ING5: variants seen among roughly 807,000 people sequenced by gnomAD.
ING5 encodes inhibitor of growth family member 5.
In ING5, 17 loss-of-function variants were observed where a neutral mutation model predicts 37.4. The observed-to-expected ratio is 0.45, with a 90% CI of 0.31 to 0.68. The LOEUF (loss-of-function observed/expected upper bound fraction) is 0.68, where lower values mean the gene tolerates loss of function less well. Among genes scored for constraint, ING5 ranks in the 30% least tolerant of loss-of-function variants. The probability of loss-of-function intolerance (pLI) is 0.05; values close to 1 mark genes in which losing one functional copy is unlikely to be tolerated. For missense variants in ING5, 233 were observed against 311.9 expected (o/e 0.75, Z 1.91); for synonymous variants, 123 against 116.6 (o/e 1.06, Z -0.36).
chr2:241,724,228 G>A (rs916525539), intron 7 of ING5, among the ~76,000 whole-genome samples: 5 of 152,226 alleles, frequency 3.3e-5, no homozygotes, highest in African/African-American at 4.8e-5. Context: ...AAAGGATGCC[G>A]TGTCTCGGAG....
chr2:241,708,866 A>G (rs2070009329), intron 2 of ING5, among the ~76,000 whole-genome samples: 1 of 152,200 alleles, frequency 6.6e-6, no homozygotes, highest in Non-Finnish European at 1.5e-5. Flanking sequence ...CTCTACCGGA[A>G]AAAAAGAAAA....
chr2:241,705,831 C>A (rs933644790), intron 2 of ING5, among the ~76,000 whole-genome samples: 5 of 152,158 alleles, frequency 3.3e-5, no homozygotes, highest in African/African-American at 1.2e-4. Context: ...GCCCCCACAC[C>A]CTCACATGCC....
At chr2:241,687,637 C>T (rs1368657539) in exon 1 of ING5, 1 of 279,378 alleles carries the variant, frequency 3.6e-6, no homozygotes, top group African/African-American at 2.2e-5. Context: ...AAGCGATTCT[C>T]CTGCCTCAGC....
At chr2:241,709,510 C>T in intron 3 of ING5, 128 bp downstream of exon 3, 1 of 786,928 alleles carries the variant, frequency 1.3e-6, no homozygotes, top group Non-Finnish European at 2.0e-6. Flanking sequence ...GCTGACGCTG[C>T]TGGAGGAAGT....
At chr2:241,688,044 C>T (rs148618528) in exon 1 of ING5, 1 of 152,190 alleles carries the variant, frequency 6.6e-6, no homozygotes, top group Non-Finnish European at 1.5e-5. Context: ...GGATATCAGG[C>T]TGCCTGGACA....
intron 2 of ING5, chr2:241,708,981 A>T: frequency 2.6e-6 from 1 of 380,786 alleles, no homozygotes; most frequent in Non-Finnish European, 4.8e-6. Flanking sequence ...GCTGTGTAAC[A>T]TTCAGAGCTG....
At chr2:241,712,423 A>G (rs1559307207) in intron 5 of ING5, 2 of 216,324 alleles carry the variant, frequency 9.2e-6, no homozygotes, top group African/African-American at 4.6e-5. Context: ...GACAGAGGCC[A>G]ATGTAGACCA....
chr2:241,711,063 T>C (rs766446632), intron 3 of ING5, among the ~76,000 whole-genome samples: 1 of 152,208 alleles, frequency 6.6e-6, no homozygotes, highest in Non-Finnish European at 1.5e-5. Flanking sequence ...GGTAGCCATA[T>C]TTTAAAGTAG....
At chr2:241,717,254 A>G (rs1387352183) in intron 5 of ING5, among the ~76,000 whole-genome samples, 1 of 152,038 alleles carries the variant, frequency 6.6e-6, no homozygotes, top group African/African-American at 2.4e-5. Flanking sequence ...TATTTTTAGT[A>G]GAGATGGGGT....
At chr2:241,717,755 T>A (rs1462328275) in intron 5 of ING5, among the ~76,000 whole-genome samples, 1 of 152,048 alleles carries the variant, frequency 6.6e-6, no homozygotes, top group Non-Finnish European at 1.5e-5. Flanking sequence ...AGTTTGGTTA[T>A]GATGTGTATT....
In ING5 at chr2:241,710,490, GT is replaced by G. The variant is rs989078985; in HGVS notation, c.277-876del. 2.2e-3 allele frequency among the ~76,000 whole-genome samples: 320 copies of G among 143,378 alleles called. 3 individuals carry two copies. The highest frequency in any genetic ancestry group is 7.3e-3 in the South Asian group (33 of 4,504). The allele number at this position is 143,378 out of a possible 152,430, so 94.1% of individuals were successfully genotyped here. A position where few individuals can be genotyped will look rare whatever the true frequency, so the allele number is the denominator to read the frequency against. On this transcript the variant is annotated intron_variant, in intron 3 of 7. Coordinates refer to ENST00000313552, the MANE Select transcript of ING5 (RefSeq NM_032329.6). ...GGCTAATTTTTGTTTTTGGTTTTTG[GT>G]TTTTTTTTTTGAGACAGAGCTTCGC...
chr2:241,723,706 C>G, intron 7 of ING5: 1 of 1,547,056 alleles, frequency 6.5e-7, no homozygotes, highest in South Asian at 1.1e-5. Flanking sequence ...GCCCCTGGCT[C>G]TGTCTAGTGG....
upstream of ING5, among the ~76,000 whole-genome samples, chr2:241,698,802 C>T (rs956978683): frequency 3.3e-5 from 5 of 150,344 alleles, no homozygotes; most frequent in Non-Finnish European, 5.9e-5. Context: ...GATTTTGGCT[C>T]ACCGCAGCCT....
At chr2:241,721,864 G>A (rs1250455532) in intron 5 of ING5, 1 of 985,550 alleles carries the variant, frequency 1.0e-6, no homozygotes, top group Non-Finnish European at 1.2e-6. Context: ...CTGGTGGGAC[G>A]GCCATGGTGC....
chr2:241,690,167 G>A (rs535321328), exon 2 of ING5: 1 of 152,876 alleles, frequency 6.5e-6, no homozygotes, highest in Non-Finnish European at 1.5e-5. Context: ...TTGTGTACTG[G>A]GGGGTGGAGG....
At chr2:241,687,324 C>T in exon 1 of ING5, 1 of 398,664 alleles carries the variant, frequency 2.5e-6, no homozygotes, top group Non-Finnish European at 4.4e-6. Context: ...TGCAGGGGCT[C>T]AGCCGGGGCT....
At position 241,712,438 on chromosome 2, in the gene ING5, TTAAG is replaced by T. The variant is rs571539994; in HGVS notation, c.482+370_482+373del. ...GACAGAGGCCAATGTAGACCACTCT[TTAAG>T]TAGCTAGATTTCTGTATATCTGTCA... On this transcript the variant is annotated intron_variant, in intron 5 of 7. Transcript: ENST00000313552. The T allele has an allele frequency of 1.0e-4, 20 of 194,004 alleles. 1 individual carries two copies. The South Asian group carries it at 2.3e-3, about 22-fold the overall frequency. 12.0% of individuals were successfully genotyped at this position (194,004 alleles called of 1,614,324 possible).
chr2:241,723,817 CT>C (rs1691494254), intron 7 of ING5: 2 of 1,594,698 alleles, frequency 1.3e-6, no homozygotes, highest in South Asian at 2.2e-5. Context: ...AACCTGTAGT[CT>C]GGGCAACATC....
chr2:241,711,721 C>T (rs952065498), intron 4 of ING5: 6 of 565,372 alleles, frequency 1.1e-5, no homozygotes, highest in Admixed American at 3.4e-5. Context: ...GGCAACATAG[C>T]GAGACCTCAT....
Sources: allele counts gnomAD v4.1 joint callset (sites outside exome capture counted in the v4.1 genomes callset), GRCh38; gene constraint gnomAD v4.1.1; transcripts MANE v1.5; gene names NCBI Gene and HGNC (gene_info 2026-07-23, HGNC 2026-07-21).